The following SHISA7 variants were observed in gnomAD, a reference collection of about 807,000 sequenced individuals.
The protein encoded by SHISA7 is protein shisa-7.
In SHISA7, 6 loss-of-function variants were observed where a neutral mutation model predicts 23.9. The ratio of observed to expected loss-of-function variants is 0.25; its 90% CI spans 0.14 to 0.50. The LOEUF is 0.50. Ranked by LOEUF, SHISA7 falls within the 20% of genes least tolerant of loss-of-function variation. The pLI, the probability that SHISA7 is intolerant of heterozygous loss-of-function variation, is 0.98. For synonymous variants in SHISA7, 386 were observed against 398.3 expected (o/e 0.97, Z 0.37); for missense variants, 671 against 801.1 (o/e 0.84, Z 1.96).
chr19:55,440,715 T>G lies in SHISA7; in HGVS notation c.722A>C (p.Asp241Ala). Residue 241 changes from aspartate to alanine, a missense_variant, in exon 2 of 4, where the codon GAC becomes GCC. This residue lies in a region of SHISA7 where 457 missense variants were observed against 488.3 expected (regional missense o/e 0.94). Coordinates refer to ENST00000376325, the MANE Select transcript of SHISA7 (RefSeq NM_001145176.2). ...GGTCAGGGAGCTGCTTCGGGCCCGG[T>G]CCGGGCGGGTCCCAGGCCCCGCCTG... is the stretch of plus-strand genomic sequence containing the variant. ...RHQAGPGTRP[D>A]RARSSSLTPG... 8.0e-7 allele frequency: 1 copy of G among 1,248,304 alleles called. No individual in the cohort carries two copies. Among genetic ancestry groups the G allele is most frequent in the African/African-American group, 1.5e-5 (1 of 64,562 alleles). 77.3% of individuals were successfully genotyped at this position (1,248,304 alleles called of 1,614,324 possible).
Position 55,432,950 on chromosome 19 carries a change from A to T in SHISA7, c.*206T>A. On this transcript the variant is annotated 3_prime_UTR_variant, in exon 4 of 4. Transcript: ENST00000376325. The surrounding 1 kb of genome is among the most constrained non-coding windows in gnomAD (Gnocchi z 4.6). ...TGAGCCGGCCTCTTCCTCTGGGATGACATCATGGGAAGGAGGCCTTGGCTC... is the reference window on the plus strand; with the variant it reads ...TGAGCCGGCCTCTTCCTCTGGGATGTCATCATGGGAAGGAGGCCTTGGCTC... The T allele has an allele frequency of 5.0e-6, 3 of 604,640 alleles. No individual in the cohort carries two copies. Among genetic ancestry groups the T allele is most frequent in the Non-Finnish European group, 8.1e-6 (3 of 371,366 alleles). 37.5% of individuals were successfully genotyped at this position (604,640 alleles called of 1,614,324 possible).
Position 55,431,584 on chromosome 19 carries a change from A to T in SHISA7, c.*1572T>A, listed in dbSNP as rs1438875559. The T allele has an allele frequency of 6.6e-6, 1 of 152,172 alleles. No homozygotes were observed. Among genetic ancestry groups the T allele is most frequent in the African/African-American group, 2.4e-5 (1 of 41,400 alleles). 9.4% of individuals were successfully genotyped at this position (152,172 alleles called of 1,614,324 possible). A position where few individuals can be genotyped will look rare whatever the true frequency, so the allele number is the denominator to read the frequency against. ...ATAGGTAATCCTGGGGAAGGATTCC[A>T]TCCTCAGACATGGGTAACACTTGAC... On this transcript the variant is annotated 3_prime_UTR_variant, in exon 4 of 4. Transcript: ENST00000376325.
chr19:55,433,200 G>A lies in SHISA7; in HGVS notation c.1573C>T (p.Pro525Ser), dbSNP rs1985252980. 1.3e-6 allele frequency: 2 copies of A among 1,529,508 alleles called. No homozygotes were observed. Among genetic ancestry groups the A allele is most frequent in the Non-Finnish European group, 1.7e-6 (2 of 1,143,422 alleles). 94.7% of individuals were successfully genotyped at this position (1,529,508 alleles called of 1,614,324 possible). The change falls in exon 4 of 4, where the codon CCC (proline) becomes TCC (serine). Residue 525 changes from proline to serine, a missense_variant. Physicochemically the swap from Pro to Ser is moderately conservative, Grantham distance 74 (BLOSUM62 -1). Transcript: ENST00000376325. The surrounding 1 kb of genome is among the most constrained non-coding windows in gnomAD (Gnocchi z 8.4). Reference protein sequence around the residue: ...QLQFIPGHHLPQHLRTASKNE... With the variant: ...QLQFIPGHHLSQHLRTASKNE... ...TTGCTGGCCGTGCGCAGGTGCTGGG[G>A]CAGGTGGTGGCCCGGGATGAACTGC...
chr19:55,434,009 C>A (rs1328346821), intron 3 of SHISA7, among the ~76,000 whole-genome samples: 1 of 151,690 alleles, frequency 6.6e-6, no homozygotes, highest in African/African-American at 2.4e-5. Flanking sequence ...TTCCCCCCCG[C>A]GCCGCCTATC....
chr19:55,433,465 C>A lies in SHISA7; in HGVS notation c.1308G>T (p.Ala436=). 1 of 1,386,228 alleles carries A rather than the reference C, an allele frequency of 7.2e-7. No individual in the cohort carries two copies. Among genetic ancestry groups the A allele is most frequent in the South Asian group, 1.6e-5 (1 of 62,506 alleles). The allele number at this position is 1,386,228 out of a possible 1,614,324, so 85.9% of individuals were successfully genotyped here. ...EHLLSPPRSP[A]LPPDPTARAS... ...CCCGGGCGGTGGGGTCGGGGGGCAGCGCGGGGCTGCGCGGGGGCGACAGCA... is the reference window on the plus strand; with the variant it reads ...CCCGGGCGGTGGGGTCGGGGGGCAGAGCGGGGCTGCGCGGGGGCGACAGCA... Residue 436 remains alanine, a synonymous_variant, in exon 4 of 4, where the codon GCG becomes GCT. Transcript: ENST00000376325. The surrounding 1 kb of genome is among the most constrained non-coding windows in gnomAD (Gnocchi z 8.4).
chr19:55,442,401 C>A lies in SHISA7; in HGVS notation c.463G>T (p.Gly155Trp), dbSNP rs1037966359. The change falls in exon 1 of 4, where the codon GGG becomes TGG. Residue 155 changes from glycine to tryptophan, a missense_variant. Gly to Trp is a radical substitution (Grantham distance 184). Around this residue, in one of 5 missense-constraint regions of SHISA7, gnomAD observed 59 missense variants for 57.2 expected, o/e 1.03. Transcript: ENST00000376325. ...CCGGCCTGGCCGGGCCCTGGCCCCC[C>A]GCCCGCACCCCCAGCGCCCCCGGCG... ...GGAGGAGGAG[G>W]GPGPGQAGWL... 7 of 1,371,212 alleles carry A rather than the reference C, an allele frequency of 5.1e-6. No homozygotes were observed. The African/African-American group carries it at 1.1e-4, about 21-fold the overall frequency. The allele number at this position is 1,371,212 out of a possible 1,614,324, so 84.9% of individuals were successfully genotyped here.
At position 55,442,786 on chromosome 19, in the gene SHISA7, G is replaced by C. The variant is rs1196035333; in HGVS notation, c.78C>G (p.Ser26Arg). 1 of 1,270,564 alleles carries C rather than the reference G, an allele frequency of 7.9e-7. No individual in the cohort carries two copies. The highest frequency in any genetic ancestry group is 9.9e-7 in the Non-Finnish European group (1 of 1,008,744). 78.7% of individuals were successfully genotyped at this position (1,270,564 alleles called of 1,614,324 possible). A position where few individuals can be genotyped will look rare whatever the true frequency, so the allele number is the denominator to read the frequency against. Residue 26 changes from serine (S) to arginine (R), a missense_variant, in exon 1 of 4, where the codon AGC becomes AGG. Ser to Arg is a moderately radical substitution (Grantham distance 110). This residue lies in a region of SHISA7 where 96 missense variants were observed against 113.1 expected (regional missense o/e 0.85). Coordinates refer to ENST00000376325, the MANE Select transcript of SHISA7 (RefSeq NM_001145176.2). ...QARARPSNATSAEPAGPLPAL... is the reference protein window; with the variant it reads ...QARARPSNATRAEPAGPLPAL... ...CGGGCAGCGGGCCCGCGGGCTCGGCGCTCGTGGCGTTGGACGGGCGCGCCC... is the reference window on the plus strand; with the variant it reads ...CGGGCAGCGGGCCCGCGGGCTCGGCCCTCGTGGCGTTGGACGGGCGCGCCC...
intron 2 of SHISA7, among the ~76,000 whole-genome samples, chr19:55,439,187 C>A (rs1314659856): frequency 6.6e-6 from 1 of 152,200 alleles, no homozygotes; most frequent in South Asian, 2.1e-4. Context: ...AGCCCCATCT[C>A]CCATCCCTTC....
At position 55,442,321 on chromosome 19, in the gene SHISA7, GGGGCCCTCGCCC is replaced by G; in HGVS notation, c.531_542del (p.Glu179_Gly182del). ...ACACGACGTAGGCTGTGCTGCCCCC[GGGGCCCTCGCCC>G]CCGCGGCCCCCGGCACCCCCAGTCC... On this transcript the variant is annotated inframe_deletion, in exon 1 of 4. Coordinates refer to ENST00000376325, the MANE Select transcript of SHISA7 (RefSeq NM_001145176.2). 4 of 1,496,962 alleles carry G rather than the reference GGGGCCCTCGCCC, an allele frequency of 2.7e-6. No individual in the cohort carries two copies. The highest frequency in any genetic ancestry group is 3.5e-6 in the Non-Finnish European group (4 of 1,129,640). The allele number at this position is 1,496,962 out of a possible 1,614,324, so 92.7% of individuals were successfully genotyped here. A position where few individuals can be genotyped will look rare whatever the true frequency, so the allele number is the denominator to read the frequency against.
In SHISA7 at chr19:55,429,185, C is replaced by G. The variant is rs895689229; in HGVS notation, c.*3971G>C. The G allele has an allele frequency of 6.6e-6, 1 of 152,274 alleles. No individual in the cohort carries two copies. 9.4% of individuals were successfully genotyped at this position (152,274 alleles called of 1,614,324 possible). On this transcript the variant is annotated 3_prime_UTR_variant, in exon 4 of 4. Coordinates refer to ENST00000376325, the MANE Select transcript of SHISA7 (RefSeq NM_001145176.2). ...CTGTGCCAACTGAATAGGGACAGGG[C>G]TAGGGGTGGGATCCCTGGAATCCAG...
intron 3 of SHISA7, among the ~76,000 whole-genome samples, chr19:55,434,598 G>GT (rs1985337476): frequency 1.7e-5 from 2 of 115,196 alleles, no homozygotes; most frequent in Non-Finnish European, 3.6e-5. Flanking sequence ...GTGTGTGTGT[G>GT]GTGTGGGTGT....
intron 2 of SHISA7, chr19:55,438,570 C>T (rs764584115): frequency 1.0e-5 from 13 of 1,304,178 alleles, no homozygotes; most frequent in East Asian, 5.5e-5. Context: ...CCCAGTGTGG[C>T]GGCGTGGTGC....
Position 55,433,399 on chromosome 19 carries a change from G to A in SHISA7, c.1374C>T (p.Pro458=). The A allele has an allele frequency of 1.5e-6, 2 of 1,326,212 alleles. No individual in the cohort carries two copies. Among genetic ancestry groups the A allele is most frequent in the Admixed American group, 4.2e-5 (1 of 23,858 alleles). The allele number at this position is 1,326,212 out of a possible 1,614,324, so 82.2% of individuals were successfully genotyped here. A position where few individuals can be genotyped will look rare whatever the true frequency, so the allele number is the denominator to read the frequency against. ...AASHSNLLLG[P]GGPPTPLRGL... ...CGCGCAGCGGTGTTGGGGGCCCCCC[G>A]GGCCCCAGCAGCAGGTTGGAGTGCG... is the stretch of plus-strand genomic sequence containing the variant. Residue 458 remains proline (P), a synonymous_variant, in exon 4 of 4, where the codon CCC becomes CCT. Coordinates refer to ENST00000376325, the MANE Select transcript of SHISA7 (RefSeq NM_001145176.2). This position sits in a 1 kb window ranked among gnomAD's most constrained non-coding sequence, Gnocchi z 8.4.
At position 55,433,708 on chromosome 19, in the gene SHISA7, C is replaced by T. The variant is rs1304990327; in HGVS notation, c.1065G>A (p.Pro355=). The change falls in exon 4 of 4, where the codon CCG becomes CCA. Residue 355 remains proline (P), a synonymous_variant. Coordinates refer to ENST00000376325, the MANE Select transcript of SHISA7 (RefSeq NM_001145176.2). This position sits in a 1 kb window ranked among gnomAD's most constrained non-coding sequence, Gnocchi z 8.4. ...CCATGCGATAGCCGCCCCCCGTGCC[C>T]GGCCGCCGCAGCGCGTGCAGGGGCA... ...GTLPLHALRR[P]GTGGGYRMEA... is the part of the protein sequence containing the mutation. The T allele has an allele frequency of 1.1e-5, 16 of 1,478,486 alleles. No individual in the cohort carries two copies. Among genetic ancestry groups the T allele is most frequent in the Non-Finnish European group, 1.4e-5 (16 of 1,122,674 alleles). The allele number at this position is 1,478,486 out of a possible 1,614,324, so 91.6% of individuals were successfully genotyped here.
At position 55,433,820 on chromosome 19, in the gene SHISA7, A is replaced by G. The variant is rs1985278621; in HGVS notation, c.977-24T>C. The G allele has an allele frequency of 7.3e-7, 1 of 1,376,108 alleles. No individual in the cohort carries two copies. Among genetic ancestry groups the G allele is most frequent in the African/African-American group, 1.5e-5 (1 of 65,422 alleles). 85.2% of individuals were successfully genotyped at this position (1,376,108 alleles called of 1,614,324 possible). A position where few individuals can be genotyped will look rare whatever the true frequency, so the allele number is the denominator to read the frequency against. ...GGCTGCGGGGAGAGGGGGAAAAGCC[A>G]CAGCCGTGGGTCCCCTGCGCATCTA... On this transcript the variant is annotated intron_variant, in intron 3 of 3. Coordinates refer to ENST00000376325, the MANE Select transcript of SHISA7 (RefSeq NM_001145176.2). The surrounding 1 kb of genome is among the most constrained non-coding windows in gnomAD (Gnocchi z 8.4).
chr19:55,431,511 A>G lies in SHISA7; in HGVS notation c.*1645T>C, dbSNP rs929379842. 4.6e-5 allele frequency: 7 copies of G among 152,134 alleles called. No homozygotes were observed. Among genetic ancestry groups the G allele is most frequent in the African/African-American group, 9.7e-5 (4 of 41,404 alleles). The allele number at this position is 152,134 out of a possible 1,614,324, so 9.4% of individuals were successfully genotyped here. A position where few individuals can be genotyped will look rare whatever the true frequency, so the allele number is the denominator to read the frequency against. On this transcript the variant is annotated 3_prime_UTR_variant, in exon 4 of 4. Coordinates refer to ENST00000376325, the MANE Select transcript of SHISA7 (RefSeq NM_001145176.2). ...GGGAGTCTTGGCAGATGGTGACACC[A>G]TTAGTCATGGTAAATCCTGGAAGAA...
intron 1 of SHISA7, among the ~76,000 whole-genome samples, chr19:55,441,075 C>T (rs1985589036): frequency 6.6e-6 from 1 of 152,182 alleles, no homozygotes; most frequent in Admixed American, 6.5e-5. Flanking sequence ...CTTTTGCAGC[C>T]TTCCCCATGG....
chr19:55,440,240 A>T (rs1005008899), intron 2 of SHISA7, among the ~76,000 whole-genome samples: 1 of 152,232 alleles, frequency 6.6e-6, no homozygotes, highest in Non-Finnish European at 1.5e-5. Context: ...TGGCAGAGTC[A>T]GGATTCAAAC....
In SHISA7 at chr19:55,433,050, G is replaced by A; in HGVS notation, c.*106C>T. On this transcript the variant is annotated 3_prime_UTR_variant, in exon 4 of 4. Transcript: ENST00000376325. The surrounding 1 kb of genome is among the most constrained non-coding windows in gnomAD (Gnocchi z 8.4). The stretch of plus-strand genomic sequence containing the variant: ...AAGGAGGCTTTCACTCCTGTCCAAG[G>A]GCCGATCTGGGCCCCAGGCCCCTGG... 1 of 1,333,426 alleles carries A rather than the reference G, an allele frequency of 7.5e-7. No individual in the cohort carries two copies. The highest frequency in any genetic ancestry group is 3.3e-5 in the Admixed American group (1 of 29,856). The allele number at this position is 1,333,426 out of a possible 1,614,324, so 82.6% of individuals were successfully genotyped here.
Sources: gnomAD v4.1 joint callset for allele counts (sites outside exome capture counted in the v4.1 genomes callset) on GRCh38, gnomAD v4.1.1 for gene constraint, gnomAD v4.1.1 regional missense constraint, Gnocchi (gnomAD v3.1) non-coding constraint, MANE v1.5 for transcripts, NCBI Gene and HGNC (gene_info 2026-07-23, HGNC 2026-07-21) for gene names.